Variants in ATG16L1 observed in about 807,000 individuals in gnomAD.
ATG16L1 encodes the protein autophagy related 16 like 1.
Under a neutral mutation model 88.5 loss-of-function variants are expected in ATG16L1, and 37 were observed. The observed-to-expected ratio is 0.42, with a 90% confidence interval of 0.32 to 0.55. The LOEUF (loss-of-function observed/expected upper bound fraction) is 0.55, where lower values mean the gene tolerates loss of function less well. Ranked by LOEUF, ATG16L1 falls within the 20% of genes least tolerant of loss-of-function variation. The pLI is 0.13. For synonymous variants in ATG16L1, 301 were observed against 281.0 expected (o/e 1.07, Z -0.71); for missense variants, 554 against 752.8 (o/e 0.74, Z 3.09).
chr2:233,256,679 T>C (rs1371706885), intron 2 of ATG16L1, among the ~76,000 whole-genome samples: 1 of 151,868 alleles, frequency 6.6e-6, no homozygotes, highest in Admixed American at 6.6e-5. Flanking sequence ...GTTCGACTTA[T>C]AATTTTTCTT....
intron 12 of ATG16L1, 194 bp downstream of exon 12, chr2:233,282,947 T>C: frequency 1.8e-6 from 1 of 544,160 alleles, no homozygotes; most frequent in Non-Finnish European, 3.4e-6. Flanking sequence ...AGTTTCAAAA[T>C]ATTTGCAATG....
rs779324948 is a variant in ATG16L1, at chr2:233,273,768, A to T, written c.842A>T (p.Asn281Ile). The T allele has an allele frequency of 6.2e-7, 1 of 1,614,096 alleles. No homozygotes were observed. Among genetic ancestry groups the T allele is most frequent in the Non-Finnish European group, 8.5e-7 (1 of 1,179,966 alleles). ...PAGGLLDSIT[N>I]IFGRRSVSSF... ...GGAGGCCTTCTGGATTCTATCACTA[A>T]TATCTTTGGGTAGGTTAGAAGACCT... The change falls in exon 8 of 18, where the codon AAT becomes ATT. Residue 281 changes from asparagine to isoleucine, a missense_variant. This residue lies in a region of ATG16L1 where 370 missense variants were observed against 509.7 expected (regional missense o/e 0.73). Coordinates refer to ENST00000392017, the MANE Select transcript of ATG16L1 (RefSeq NM_030803.7).
At chr2:233,272,720 A>G (rs149243129) in intron 6 of ATG16L1, among the ~76,000 whole-genome samples, 1 of 152,370 alleles carries the variant, frequency 6.6e-6, no homozygotes, top group East Asian at 1.9e-4. Flanking sequence ...ACCTAAAAGG[A>G]TCAAAAGCTC....
Position 233,295,318 on chromosome 2 carries a change from A to G in ATG16L1, c.*968A>G, listed in dbSNP as rs926796286. The G allele has an allele frequency of 2.0e-5, 3 of 152,874 alleles. No homozygotes were observed. The highest frequency in any genetic ancestry group is 7.2e-5 in the African/African-American group (3 of 41,552). 9.5% of individuals were successfully genotyped at this position (152,874 alleles called of 1,614,324 possible). On this transcript the variant is annotated 3_prime_UTR_variant, in exon 18 of 18. Coordinates refer to ENST00000392017, the MANE Select transcript of ATG16L1 (RefSeq NM_030803.7). ...CCAAGGAAAAACATTTATCTTTACTATTTTACCTACGTATAAAGTTTTAGT... is the reference window on the plus strand; with the variant it reads ...CCAAGGAAAAACATTTATCTTTACTGTTTTACCTACGTATAAAGTTTTAGT...
intron 12 of ATG16L1, among the ~76,000 whole-genome samples, chr2:233,284,641 T>C (rs191950572): frequency 5.9e-5 from 9 of 152,352 alleles, no homozygotes; most frequent in Admixed American, 5.9e-4. Context: ...CCAATTTTTG[T>C]ATTTTTTTAG....
chr2:233,260,561 A>C (rs1317303736), intron 2 of ATG16L1, among the ~76,000 whole-genome samples: 1 of 152,228 alleles, frequency 6.6e-6, no homozygotes, highest in Non-Finnish European at 1.5e-5. Flanking sequence ...GGGCTCCAGG[A>C]ATCTGTGCTT....
intron 12 of ATG16L1, among the ~76,000 whole-genome samples, chr2:233,286,399 G>A (rs1699076708): frequency 6.6e-6 from 1 of 152,030 alleles, no homozygotes; most frequent in African/African-American, 2.4e-5. Flanking sequence ...AGTAGAAGAT[G>A]AAACCTAAAA....
chr2:233,252,686 C>T (rs894788070), intron 1 of ATG16L1, among the ~76,000 whole-genome samples: 2 of 152,134 alleles, frequency 1.3e-5, no homozygotes, highest in South Asian at 4.2e-4. Flanking sequence ...CCGAGCCCGG[C>T]CCCACCTTGG....
chr2:233,293,190 G>A, intron 16 of ATG16L1, 66 bp from the exon 17 acceptor site: 1 of 1,376,440 alleles, frequency 7.3e-7, no homozygotes, highest in Non-Finnish European at 1.0e-6. Context: ...TTGGGAAAAA[G>A]GCCACAGAGA....
chr2:233,251,767 G>A lies in ATG16L1; in HGVS notation c.-61G>A. On this transcript the variant is annotated 5_prime_UTR_variant, in exon 1 of 18. Coordinates refer to ENST00000392017, the MANE Select transcript of ATG16L1 (RefSeq NM_030803.7). ...CTTCTGCTGGTTGCTTCATGCTGCA[G>A]GCTGCGGCCGTCAGCCCTCGCTCGC... The A allele has an allele frequency of 6.8e-7, 1 of 1,459,880 alleles. No homozygotes were observed. Among genetic ancestry groups the A allele is most frequent in the Non-Finnish European group, 9.4e-7 (1 of 1,068,658 alleles). The allele number at this position is 1,459,880 out of a possible 1,614,324, so 90.4% of individuals were successfully genotyped here.
intron 12 of ATG16L1, among the ~76,000 whole-genome samples, 182 bp from the exon 13 acceptor site, chr2:233,289,672 G>A (rs1038364938): frequency 5.9e-5 from 9 of 152,186 alleles, no homozygotes; most frequent in African/African-American, 1.2e-4. Flanking sequence ...GATTGCAGGC[G>A]TGAGTCACTG....
chr2:233,275,046 G>A (rs113947340), intron 9 of ATG16L1, among the ~76,000 whole-genome samples: 3 of 152,312 alleles, frequency 2.0e-5, no homozygotes, highest in Admixed American at 6.5e-5. Context: ...AAAGTAATTA[G>A]GGATTGTGAA....
In ATG16L1 at chr2:233,251,920, G is replaced by T; in HGVS notation, c.93G>T (p.Ala31=). 2.6e-6 allele frequency: 4 copies of T among 1,549,742 alleles called. No homozygotes were observed. The highest frequency in any genetic ancestry group is 3.5e-6 in the Non-Finnish European group (4 of 1,147,250). Residue 31 remains alanine, a synonymous_variant, in exon 1 of 18, where the codon GCG becomes GCT. Transcript: ENST00000392017. The stretch of plus-strand genomic sequence containing the variant: ...GCCGGGACCGGCTGCAGAGACAGGC[G>T]TTCGAGGAGATCATCCTGCAGTGTG... ...LRRRDRLQRQ[A]FEEIILQYNK... is the part of the protein sequence containing the mutation.
intron 1 of ATG16L1, among the ~76,000 whole-genome samples, chr2:233,252,540 G>C (rs1177878840): frequency 2.6e-5 from 4 of 151,906 alleles, no homozygotes; most frequent in African/African-American, 9.7e-5. Flanking sequence ...GCTTCACCAC[G>C]GTCGGCTAAT....
chr2:233,292,758 C>T (rs1559416919), intron 16 of ATG16L1, among the ~76,000 whole-genome samples: 1 of 152,214 alleles, frequency 6.6e-6, no homozygotes, highest in Non-Finnish European at 1.5e-5. Flanking sequence ...CAGGAGTGGC[C>T]GTGGGCCTGG....
chr2:233,268,325 G>C (rs907938190), intron 5 of ATG16L1, among the ~76,000 whole-genome samples: 1 of 152,172 alleles, frequency 6.6e-6, no homozygotes, highest in Non-Finnish European at 1.5e-5. Flanking sequence ...TGGATGTAGT[G>C]GCAGGTGGCT....
intron 9 of ATG16L1, 184 bp from the exon 10 acceptor site, chr2:233,277,384 A>T (rs910975075): frequency 5.5e-6 from 3 of 543,588 alleles, no homozygotes; most frequent in Non-Finnish European, 9.9e-6. Flanking sequence ...AACTGTAACT[A>T]GAAGAATAAA....
chr2:233,275,407 A>G, intron 9 of ATG16L1: 1 of 289,082 alleles, frequency 3.5e-6, no homozygotes, highest in Non-Finnish European at 6.9e-6. Context: ...GAAACAGAGC[A>G]CAAAGAACAG....
At chr2:233,265,706 G>T (rs1413384893) in intron 5 of ATG16L1, among the ~76,000 whole-genome samples, 1 of 152,088 alleles carries the variant, frequency 6.6e-6, no homozygotes, top group East Asian at 1.9e-4. Context: ...CTGACCTCAG[G>T]ATCCACCCGC....
Sources: allele counts gnomAD v4.1 joint callset (sites outside exome capture counted in the v4.1 genomes callset), GRCh38; gene constraint gnomAD v4.1.1; regional missense constraint gnomAD v4.1.1; transcripts MANE v1.5; gene names NCBI Gene and HGNC (gene_info 2026-07-23, HGNC 2026-07-21).